GPC5: variants seen among roughly 807,000 people sequenced by gnomAD.
The protein encoded by GPC5 is glypican-5.
GPC5 carries 47 observed loss-of-function variants against 53.9 expected under a neutral mutation model. That is an observed-to-expected ratio of 0.87 (90% confidence interval 0.69 to 1.11). The LOEUF is 1.11. Ranked by LOEUF, GPC5 falls within the 50% of genes most tolerant of loss-of-function variation. GPC5 has a pLI of 0.00. For missense variants in GPC5, 748 were observed against 713.1 expected, an observed-to-expected ratio of 1.05 and a Z score of -0.56; for synonymous variants, 286 against 263.3, an observed-to-expected ratio of 1.09 and a Z score of -0.84.
chr13:91,883,122 A>G (rs1159729240), intron 5 of GPC5, among the ~76,000 whole-genome samples: 1 of 152,170 alleles, frequency 6.6e-6, no homozygotes, highest in Non-Finnish European at 1.5e-5. Context: ...CCAGTCTGGA[A>G]GGTGCAAGGT....
At chr13:92,656,751 C>T (rs775972920) in intron 7 of GPC5, among the ~76,000 whole-genome samples, 5 of 152,140 alleles carry the variant, frequency 3.3e-5, no homozygotes, top group East Asian at 1.9e-4. Context: ...GCCAGGAGTT[C>T]GAGACCAACC....
intron 6 of GPC5, among the ~76,000 whole-genome samples, chr13:91,935,314 C>T (rs2039859951): frequency 6.6e-6 from 1 of 151,910 alleles, no homozygotes; most frequent in African/African-American, 2.4e-5. Context: ...ACCCCCAAAG[C>T]AATGTTATTA....
At chr13:91,504,570 A>G (rs1322707976) in intron 2 of GPC5, among the ~76,000 whole-genome samples, 1 of 152,198 alleles carries the variant, frequency 6.6e-6, no homozygotes, top group Non-Finnish European at 1.5e-5. Flanking sequence ...CAAATAATAA[A>G]GGATGTTATG....
At chr13:91,933,664 T>C (rs757061873) in intron 6 of GPC5, among the ~76,000 whole-genome samples, 6 of 151,918 alleles carry the variant, frequency 3.9e-5, no homozygotes, top group Non-Finnish European at 5.9e-5. Flanking sequence ...CTTCAAAACC[T>C]TCCTTTCATT....
intron 7 of GPC5, among the ~76,000 whole-genome samples, chr13:92,527,951 A>G (rs1566277670): frequency 6.6e-6 from 1 of 152,180 alleles, no homozygotes; most frequent in Non-Finnish European, 1.5e-5. Flanking sequence ...TTAAACTATC[A>G]TTAGGTAGTT....
intron 6 of GPC5, among the ~76,000 whole-genome samples, chr13:92,094,352 T>C: frequency 6.6e-6 from 1 of 151,660 alleles, no homozygotes; most frequent in Non-Finnish European, 1.5e-5. Flanking sequence ...ATGTCTCTAC[T>C]AAAAATACAA....
chr13:91,949,983 C>G (rs2139057735), intron 6 of GPC5, among the ~76,000 whole-genome samples: 1 of 152,170 alleles, frequency 6.6e-6, no homozygotes, highest in South Asian at 2.1e-4. Flanking sequence ...AGGAGAAGAG[C>G]CTTTGTTTAG....
chr13:92,862,704 A>G (rs1879222827), intron 7 of GPC5, among the ~76,000 whole-genome samples: 1 of 152,130 alleles, frequency 6.6e-6, no homozygotes, highest in Non-Finnish European at 1.5e-5. Context: ...AAAGGCTGTA[A>G]GTACACACTG....
chr13:91,882,978 G>A (rs1594638939), intron 5 of GPC5, among the ~76,000 whole-genome samples: 1 of 152,098 alleles, frequency 6.6e-6, no homozygotes, highest in East Asian at 1.9e-4. Flanking sequence ...AATTTAATAA[G>A]GTAAAACAGC....
chr13:91,808,840 A>G (rs936460613), intron 5 of GPC5, among the ~76,000 whole-genome samples: 6 of 152,164 alleles, frequency 3.9e-5, no homozygotes, highest in African/African-American at 7.2e-5. Flanking sequence ...AAATTTCATG[A>G]GGCAATAAAC....
chr13:92,439,837 C>T (rs1347648092), intron 7 of GPC5, among the ~76,000 whole-genome samples: 1 of 152,056 alleles, frequency 6.6e-6, no homozygotes, highest in Non-Finnish European at 1.5e-5. Flanking sequence ...GGTAGTCAGA[C>T]CTCTCAGGAT....
chr13:92,135,236 A>C (rs12583306), intron 6 of GPC5, among the ~76,000 whole-genome samples: 49,506 of 151,904 alleles, frequency 0.33, 8,908 homozygotes, highest in South Asian at 0.58. Context: ...GCTTTTTCAC[A>C]AATTTTTTTC....
chr13:91,760,565 G>C (rs1182664812), intron 5 of GPC5, among the ~76,000 whole-genome samples: 1 of 152,098 alleles, frequency 6.6e-6, no homozygotes, highest in Non-Finnish European at 1.5e-5. Context: ...CACATCAATA[G>C]GTCAAATTGG....
chr13:92,052,507 GTTGGTCCATTTTACAGAGCACTGA>G (rs1309119750), intron 6 of GPC5, among the ~76,000 whole-genome samples: 2 of 152,152 alleles, frequency 1.3e-5, no homozygotes, highest in Non-Finnish European at 2.9e-5. Context: ...TGTCCTGCTG[GTTGGTCCATTTTACAGAGCACTGA>G]TTGGTCCATT....
intron 7 of GPC5, among the ~76,000 whole-genome samples, chr13:92,311,095 T>C (rs1382702631): frequency 2.6e-5 from 4 of 152,176 alleles, no homozygotes. Flanking sequence ...TTATATCTTT[T>C]ATGGAAAAAC....
At chr13:91,493,972 C>T (rs1252714982) in intron 2 of GPC5, among the ~76,000 whole-genome samples, 1 of 152,084 alleles carries the variant, frequency 6.6e-6, no homozygotes, top group Non-Finnish European at 1.5e-5. Context: ...CTCCCTGGTT[C>T]AAGCAATTCC....
intron 7 of GPC5, among the ~76,000 whole-genome samples, chr13:92,661,950 AG>A (rs1886358543): frequency 6.6e-6 from 1 of 152,108 alleles, no homozygotes; most frequent in Non-Finnish European, 1.5e-5. Context: ...TCTGTTTTAA[AG>A]GTTCCCTCTC....
intron 7 of GPC5, among the ~76,000 whole-genome samples, chr13:92,760,073 G>T (rs764286629): frequency 1.3e-5 from 2 of 151,992 alleles, no homozygotes; most frequent in Non-Finnish European, 2.9e-5. Context: ...CCACTTGTTT[G>T]TAATGGACAA....
At chr13:92,072,254 A>G (rs1288871754) in intron 6 of GPC5, among the ~76,000 whole-genome samples, 1 of 150,190 alleles carries the variant, frequency 6.7e-6, no homozygotes, top group Non-Finnish European at 1.5e-5. Context: ...ATTTTCTGCT[A>G]ATTTTAATTT....
Sources: gnomAD v4.1 joint callset for allele counts (sites outside exome capture counted in the v4.1 genomes callset) on GRCh38, gnomAD v4.1.1 for gene constraint, MANE v1.5 for transcripts, NCBI Gene and HGNC (gene_info 2026-07-23, HGNC 2026-07-21) for gene names.